The following KIF6 variants were observed in gnomAD, a reference collection of about 807,000 sequenced individuals.
KIF6 encodes kinesin family member 6.
KIF6 carries 106 observed loss-of-function variants against 112.7 expected under a neutral mutation model. The observed-to-expected ratio is 0.94, with a 90% CI of 0.80 to 1.11. The LOEUF is 1.11. Among genes scored for constraint, KIF6 ranks in the 50% least tolerant of loss-of-function variants. The probability of loss-of-function intolerance (pLI) is 0.00; values close to 1 mark genes in which losing one functional copy is unlikely to be tolerated. For missense variants in KIF6, 929 were observed against 964.0 expected (o/e 0.96, Z 0.48); for synonymous variants, 339 against 339.9 (o/e 1.00, Z 0.03).
At position 39,553,983 on chromosome 6, in the gene KIF6, A is replaced by G. The variant is rs73732136; in HGVS notation, c.1182-8295T>C. The G allele has an allele frequency of 2.6e-3, 411 of 155,236 alleles. 2 individuals carry two copies. The highest frequency in any genetic ancestry group is 9.1e-3 in the African/African-American group (379 of 41,610). The allele number at this position is 155,236 out of a possible 1,614,324, so 9.6% of individuals were successfully genotyped here. A position where few individuals can be genotyped will look rare whatever the true frequency, so the allele number is the denominator to read the frequency against. ...ATCCTATCTGTGTGCCAGAAACCGC[A>G]GGTTTACAGCATTACCAATGTATTG... On this transcript the variant is annotated intron_variant, in intron 10 of 22. Coordinates refer to ENST00000287152, the MANE Select transcript of KIF6 (RefSeq NM_145027.6).
intron 22 of KIF6, 72 bp from the exon 23 acceptor site, chr6:39,336,620 G>T (rs866338222): frequency 6.5e-5 from 92 of 1,415,180 alleles, no homozygotes; most frequent in Non-Finnish European, 8.4e-5. Flanking sequence ...ATTGAATCGG[G>T]GGGAGGGGAG....
rs184631170 is a variant in KIF6 at position 39,388,249 on chromosome 6, C to T, written c.1811-2577G>A. Among the ~76,000 whole-genome samples the T allele has an allele frequency of 1.7e-3, 263 of 152,006 alleles. 1 individual carries two copies. Among genetic ancestry groups the T allele is most frequent in the Non-Finnish European group, 2.7e-3 (185 of 68,006 alleles). On this transcript the variant is annotated intron_variant, in intron 15 of 22. Coordinates refer to ENST00000287152, the MANE Select transcript of KIF6 (RefSeq NM_145027.6). ...ACAATTTCTTCAGCGCCTATTGGAACGACCAAGTTCCTTTTTCCCAAACCC... is the reference window on the plus strand; with the variant it reads ...ACAATTTCTTCAGCGCCTATTGGAATGACCAAGTTCCTTTTTCCCAAACCC...
In KIF6 at chr6:39,464,474, C is replaced by T. The variant is rs35899864; in HGVS notation, c.1646-33313G>A. Among the ~76,000 whole-genome samples, 64 of 152,324 alleles carry T rather than the reference C, an allele frequency of 4.2e-4. No individual in the cohort carries two copies. The South Asian group carries it at 5.6e-3, about 13-fold the overall frequency. On this transcript the variant is annotated intron_variant, in intron 13 of 22. Transcript: ENST00000287152. Reference sequence around the variant, plus strand: ...AACCTGTGCACTAACTTAAGGGTCCCAGTGAAGTGTCCCTACTTTTGGATC... The same window carrying T: ...AACCTGTGCACTAACTTAAGGGTCCTAGTGAAGTGTCCCTACTTTTGGATC...
intron 3 of KIF6, among the ~76,000 whole-genome samples, chr6:39,707,677 T>C (rs533969357): frequency 1.6e-3 from 242 of 152,386 alleles, no homozygotes; most frequent in Non-Finnish European, 2.8e-3. Flanking sequence ...TATCTTGGTC[T>C]GGAACCAGAG....
chr6:39,535,039 C>G (rs977384465), intron 13 of KIF6, among the ~76,000 whole-genome samples: 2 of 152,152 alleles, frequency 1.3e-5, no homozygotes, highest in African/African-American at 4.8e-5. Flanking sequence ...GCCAGGCCTG[C>G]CCTAAAAGAG....
intron 13 of KIF6, among the ~76,000 whole-genome samples, chr6:39,511,194 A>C (rs1776761454): frequency 6.6e-6 from 1 of 152,174 alleles, no homozygotes; most frequent in Non-Finnish European, 1.5e-5. Context: ...ACTTGACGTC[A>C]GCTCTGGACC....
At chr6:39,457,019 C>A (rs1773166944) in intron 13 of KIF6, among the ~76,000 whole-genome samples, 1 of 142,732 alleles carries the variant, frequency 7.0e-6, no homozygotes, top group African/African-American at 2.7e-5. Context: ...ACCAAGCAGA[C>A]CTAATAGACA....
rs1765034744 is a variant in KIF6, at chr6:39,360,376, G to C, written c.2082+19C>G. 5.0e-6 allele frequency: 8 copies of C among 1,613,588 alleles called. No individual in the cohort carries two copies. In the South Asian group the frequency reaches 8.8e-5, roughly 18 times the overall value. ...TGACTGGCCCCTCCCCAGCTTCCCT[G>C]ATGTTCCCCAGGCCATACCTGCAGG... is the stretch of plus-strand genomic sequence containing the variant. On this transcript the variant is annotated intron_variant, in intron 18 of 22. Coordinates refer to ENST00000287152, the MANE Select transcript of KIF6 (RefSeq NM_145027.6).
intron 5 of KIF6, among the ~76,000 whole-genome samples, chr6:39,618,318 T>C (rs1460152642): frequency 6.6e-6 from 1 of 152,126 alleles, no homozygotes; most frequent in Non-Finnish European, 1.5e-5. Flanking sequence ...TCACTGACAA[T>C]GAAGAATATA....
intron 3 of KIF6, among the ~76,000 whole-genome samples, chr6:39,651,213 C>G (rs1785452289): frequency 6.6e-6 from 1 of 152,128 alleles, no homozygotes; most frequent in Non-Finnish European, 1.5e-5. Flanking sequence ...TTTTCCTTGC[C>G]AAGTGTAAAG....
intron 13 of KIF6, 47 bp from the exon 14 acceptor site, chr6:39,431,208 C>CAGG: frequency 9.0e-7 from 1 of 1,106,100 alleles, no homozygotes. Context: ...CATCAGGATC[C>CAGG]TATTAATTTC....
Position 39,378,881 on chromosome 6 carries a change from G to A in KIF6, c.1861+6741C>T, listed in dbSNP as rs1354107831. On this transcript the variant is annotated intron_variant, in intron 16 of 22. Transcript: ENST00000287152. The surrounding 1 kb of genome is among the most constrained non-coding windows in gnomAD (Gnocchi z 5.0). ...TCCTGCTCTGTGTGGCCATCAGAAAGCTGAGTACCCGGATCCTATTATCTT... is the reference window on the plus strand; with the variant it reads ...TCCTGCTCTGTGTGGCCATCAGAAAACTGAGTACCCGGATCCTATTATCTT... Among the ~76,000 whole-genome samples the A allele has an allele frequency of 1.3e-5, 2 of 152,204 alleles. No homozygotes were observed. Among genetic ancestry groups the A allele is most frequent in the Non-Finnish European group, 2.9e-5 (2 of 68,034 alleles).
intron 10 of KIF6, among the ~76,000 whole-genome samples, chr6:39,549,570 T>C (rs1314499970): frequency 6.6e-6 from 1 of 152,176 alleles, no homozygotes; most frequent in East Asian, 1.9e-4. Context: ...AGTATTTGAA[T>C]ACCATATTGG....
At chr6:39,627,363 C>T (rs1784144783) in intron 5 of KIF6, among the ~76,000 whole-genome samples, 1 of 152,198 alleles carries the variant, frequency 6.6e-6, no homozygotes, top group African/African-American at 2.4e-5. Flanking sequence ...TTTTCACATT[C>T]CACCTTATGT....
intron 3 of KIF6, among the ~76,000 whole-genome samples, chr6:39,649,458 C>A (rs772399959): frequency 6.6e-6 from 1 of 152,098 alleles, no homozygotes. Flanking sequence ...TATACATCTG[C>A]GGGCATACTG....
At chr6:39,346,107 C>A (rs1763748280) in intron 20 of KIF6, among the ~76,000 whole-genome samples, 1 of 49,798 alleles carries the variant, frequency 2.0e-5, no homozygotes, top group Non-Finnish European at 3.5e-5. Flanking sequence ...CCCTCCCCCC[C>A]TCCCTCTCCC....
At chr6:39,337,172 C>CTTTCCTTCTTTCTTTCTTTCTTTCT in intron 22 of KIF6, among the ~76,000 whole-genome samples, 1 of 59,520 alleles carries the variant, frequency 1.7e-5, no homozygotes, top group South Asian at 6.5e-4. Context: ...TCTTTCCTTC[C>CTTTCCTTCTTTCTTTCTTTCTTTCT]TTCTTTCTTT....
intron 3 of KIF6, among the ~76,000 whole-genome samples, chr6:39,663,931 C>T (rs2150817515): frequency 6.6e-6 from 1 of 151,608 alleles, no homozygotes; most frequent in East Asian, 1.9e-4. Flanking sequence ...CTACTAGATA[C>T]CTAAGCAGAT....
intron 15 of KIF6, among the ~76,000 whole-genome samples, chr6:39,417,262 G>C (rs1769990937): frequency 6.6e-6 from 1 of 152,118 alleles, no homozygotes; most frequent in Non-Finnish European, 1.5e-5. Flanking sequence ...TCAGTAATAC[G>C]GCTGAGTCTC....
Sources: gnomAD v4.1 joint callset for allele counts (sites outside exome capture counted in the v4.1 genomes callset) on GRCh38, gnomAD v4.1.1 for gene constraint, Gnocchi (gnomAD v3.1) non-coding constraint, MANE v1.5 for transcripts, NCBI Gene and HGNC (gene_info 2026-07-23, HGNC 2026-07-21) for gene names.